Variants in INPP5F observed in about 807,000 individuals in gnomAD.
INPP5F encodes the protein inositol polyphosphate-5-phosphatase F.
In INPP5F, 97 loss-of-function variants were observed where a neutral mutation model predicts 137.2. The observed-to-expected ratio is 0.71, with a 90% CI of 0.60 to 0.84. The LOEUF is 0.84. Among genes scored for constraint, INPP5F ranks in the 40% least tolerant of loss-of-function variants. The pLI is 0.00. For missense variants in INPP5F, 1,271 were observed against 1,371.9 expected, an observed-to-expected ratio of 0.93 and a Z score of 1.16; for synonymous variants, 504 against 476.9, an observed-to-expected ratio of 1.06 and a Z score of -0.74.
intron 8 of INPP5F, 98 bp downstream of exon 8, chr10:119,797,738 T>C: frequency 2.4e-6 from 2 of 847,882 alleles, no homozygotes; most frequent in Non-Finnish European, 3.4e-6. Flanking sequence ...CTTTGCCAGA[T>C]ACTTCTTTCA....
chr10:119,732,414 T>C (rs1848100701), intron 1 of INPP5F, among the ~76,000 whole-genome samples: 1 of 152,162 alleles, frequency 6.6e-6, no homozygotes, highest in South Asian at 2.1e-4. Flanking sequence ...TTTGTGTATA[T>C]TTTGTTGTCT....
rs1316640298 is a variant in INPP5F at position 119,804,244 on chromosome 10, G to A, written c.1188G>A (p.Leu396=). ...GCGATGCTTACCTGAAGCAAGTGTT[G>A]CTTTTCAACAACTCACACCTCACTT... ...IIGDAYLKQV[L]LFNNSHLTYV... is the part of the protein sequence containing the mutation. Residue 396 remains leucine (L), a synonymous_variant, in exon 10 of 20, where the codon TTG becomes TTA. Transcript: ENST00000650623. The A allele has an allele frequency of 8.7e-6, 14 of 1,612,664 alleles. No individual in the cohort carries two copies. Among genetic ancestry groups the A allele is most frequent in the Non-Finnish European group, 1.2e-5 (14 of 1,179,374 alleles).
intron 2 of INPP5F, among the ~76,000 whole-genome samples, chr10:119,765,546 A>AT (rs36034689): frequency 0.02 from 2,660 of 129,784 alleles, 93 homozygotes; most frequent in African/African-American, 0.067. Context: ...TAATTTTTGT[A>AT]TTTTTTTTTT....
chr10:119,778,232 TCCTGGCCTCATGTGATCTGCCCTC>T (rs1849588226), intron 2 of INPP5F, among the ~76,000 whole-genome samples: 1 of 152,134 alleles, frequency 6.6e-6, no homozygotes, highest in African/African-American at 2.4e-5. Context: ...GGTCTTGAAC[TCCTGGCCTCATGTGATCTGCCCTC>T]CCTGGCCTCC....
At chr10:119,731,708 G>T (rs572258330) in intron 1 of INPP5F, among the ~76,000 whole-genome samples, 7 of 152,250 alleles carry the variant, frequency 4.6e-5, no homozygotes, top group South Asian at 4.1e-4. Flanking sequence ...TACCATGACA[G>T]AATTTAATAG....
At chr10:119,746,063 A>T (rs924745396) in intron 1 of INPP5F, among the ~76,000 whole-genome samples, 3 of 152,150 alleles carry the variant, frequency 2.0e-5, no homozygotes, top group African/African-American at 7.2e-5. Flanking sequence ...TTCTAGCATT[A>T]TCAATTCATA....
At chr10:119,747,052 G>A (rs1281342062) in intron 1 of INPP5F, among the ~76,000 whole-genome samples, 1 of 152,104 alleles carries the variant, frequency 6.6e-6, no homozygotes, top group East Asian at 1.9e-4. Context: ...GCCTTCCGAA[G>A]TGCTGGGATT....
chr10:119,796,615 T>C, intron 6 of INPP5F, 100 bp from the exon 7 acceptor site: 2 of 946,194 alleles, frequency 2.1e-6, no homozygotes, highest in East Asian at 2.4e-5. Flanking sequence ...AGGTTTCTGC[T>C]TCTAATAAAC....
chr10:119,804,077 A>G, intron 9 of INPP5F, 96 bp from the exon 10 acceptor site: 1 of 860,162 alleles, frequency 1.2e-6, no homozygotes, highest in Non-Finnish European at 1.7e-6. Flanking sequence ...CCAAATTATT[A>G]AAAACCACAC....
intron 2 of INPP5F, among the ~76,000 whole-genome samples, chr10:119,757,913 T>TATA (rs1848898503): frequency 6.6e-6 from 1 of 152,244 alleles, no homozygotes; most frequent in South Asian, 2.1e-4. Flanking sequence ...TGGGGCCATG[T>TATA]CTATTCTGCT....
intron 6 of INPP5F, among the ~76,000 whole-genome samples, chr10:119,796,298 TG>T (rs1271198844): frequency 6.6e-6 from 1 of 152,240 alleles, no homozygotes; most frequent in African/African-American, 2.4e-5. Flanking sequence ...TTAATACAAT[TG>T]GGAGTTGAGA....
At chr10:119,749,796 A>AT (rs1848639424) in intron 1 of INPP5F, among the ~76,000 whole-genome samples, 1 of 152,226 alleles carries the variant, frequency 6.6e-6, no homozygotes, top group Non-Finnish European at 1.5e-5. Context: ...AATTCTTGCA[A>AT]TAAAAACAGT....
chr10:119,826,700 A>G lies in INPP5F; in HGVS notation c.2319A>G (p.Gly773=). 6.2e-7 allele frequency: 1 copy of G among 1,612,678 alleles called. No homozygotes were observed. The highest frequency in any genetic ancestry group is 8.5e-7 in the Non-Finnish European group (1 of 1,179,674). Residue 773 remains glycine, a synonymous_variant, in exon 20 of 20, where the codon GGA becomes GGG. Transcript: ENST00000650623. ...AAAACCAAGGTTCTTTGGCCCAGGGAAAGAATTTTTTAATGAGCAAATTTT... is the reference window on the plus strand; with the variant it reads ...AAAACCAAGGTTCTTTGGCCCAGGGGAAGAATTTTTTAATGAGCAAATTTT... ...RSQNQGSLAQ[G]KNFLMSKFSS... is the part of the protein sequence containing the mutation.
rs186266329 is a variant in INPP5F, at chr10:119,796,650, T to C, written c.670-65T>C. On this transcript the variant is annotated intron_variant, in intron 6 of 19. Coordinates refer to ENST00000650623, the MANE Select transcript of INPP5F (RefSeq NM_014937.4). ...CTGAGAAATATGTGCTGACTACTGT[T>C]TGGGTTTAAGAAAGTAGCAGTGCTG... 55 of 1,188,878 alleles carry C rather than the reference T, an allele frequency of 4.6e-5. No homozygotes were observed. In the East Asian group the frequency reaches 1.2e-3, roughly 27 times the overall value. 73.6% of individuals were successfully genotyped at this position (1,188,878 alleles called of 1,614,324 possible).
intron 2 of INPP5F, among the ~76,000 whole-genome samples, chr10:119,769,727 T>C (rs572893677): frequency 6.6e-6 from 1 of 152,188 alleles, no homozygotes; most frequent in Non-Finnish European, 1.5e-5. Context: ...CGGACTCAGA[T>C]TGGGGCTTAA....
Position 119,807,839 on chromosome 10 carries a change from G to A in INPP5F, c.1441-93G>A, listed in dbSNP as rs548682058. The A allele has an allele frequency of 2.2e-4, 267 of 1,241,510 alleles. No homozygotes were observed. In the Middle Eastern group the frequency reaches 3.6e-3, roughly 17 times the overall value. The allele number at this position is 1,241,510 out of a possible 1,614,324, so 76.9% of individuals were successfully genotyped here. ...TTCTCTTATTTAAGGGTCCTAAATT[G>A]TATATGAATATGTTTCCTTTTTCTG... On this transcript the variant is annotated intron_variant, in intron 12 of 19. Coordinates refer to ENST00000650623, the MANE Select transcript of INPP5F (RefSeq NM_014937.4).
chr10:119,812,574 A>G (rs1851085360), intron 15 of INPP5F, among the ~76,000 whole-genome samples: 1 of 152,140 alleles, frequency 6.6e-6, no homozygotes, highest in Admixed American at 6.5e-5. Flanking sequence ...CTCTAGTTCT[A>G]TTTTATCTCA....
chr10:119,827,566 G>T lies in INPP5F; in HGVS notation c.3185G>T (p.Ser1062Ile), dbSNP rs373999944. ...CATGTAACTCCTTCTCCTTCAGAGA[G>T]CAGTAGCAGCAGAGCAGTCTCTCCC... ...GLHVTPSPSE[S>I]SSSRAVSPFA... Residue 1062 changes from serine to isoleucine, a missense_variant, in exon 20 of 20, where the codon AGC (serine) becomes ATC (isoleucine). Coordinates refer to ENST00000650623, the MANE Select transcript of INPP5F (RefSeq NM_014937.4). 6 of 1,614,160 alleles carry T rather than the reference G, an allele frequency of 3.7e-6. No homozygotes were observed. In the East Asian group the frequency reaches 1.3e-4, roughly 36 times the overall value.
Position 119,826,782 on chromosome 10 carries a change from C to T in INPP5F, c.2401C>T (p.Arg801Ter), listed in dbSNP as rs1163296243. The stretch of plus-strand genomic sequence containing the variant: ...ATCCAATGTAAATATTGGCAACCTC[C>T]GAAAGCTAGGAAACTTTACCAAACC... ...TKSNVNIGNL[R>*]KLGNFTKPEM... Residue 801 changes from arginine (R) to a stop codon, truncating the protein, a stop_gained, in exon 20 of 20, where the codon CGA becomes TGA. Transcript: ENST00000650623. LOFTEE classifies it high-confidence loss of function. The T allele has an allele frequency of 5.0e-6, 8 of 1,613,630 alleles. No homozygotes were observed. The highest frequency in any genetic ancestry group is 2.7e-5 in the African/African-American group (2 of 74,816).
Sources: allele counts gnomAD v4.1 joint callset (sites outside exome capture counted in the v4.1 genomes callset), GRCh38; gene constraint gnomAD v4.1.1; transcripts MANE v1.5; gene names NCBI Gene and HGNC (gene_info 2026-07-23, HGNC 2026-07-21).